HS2ST1: variants seen among roughly 807,000 people sequenced by gnomAD.
HS2ST1 encodes 2-O-sulfotransferase.
A neutral mutation model predicts 42.9 loss-of-function variants in HS2ST1; 18 were observed. That is an observed-to-expected ratio of 0.42 (90% confidence interval 0.29 to 0.62). The LOEUF (loss-of-function observed/expected upper bound fraction) is 0.62. HS2ST1 is among the 20% of genes least tolerant of loss of function. The pLI is 0.21. For missense variants in HS2ST1, 334 were observed against 433.8 expected, an observed-to-expected ratio of 0.77 and a Z score of 2.04; for synonymous variants, 146 against 152.9, an observed-to-expected ratio of 0.95 and a Z score of 0.33.
intron 1 of HS2ST1, among the ~76,000 whole-genome samples, chr1:87,039,317 T>G (rs1178816709): frequency 1.3e-5 from 2 of 152,230 alleles, no homozygotes; most frequent in African/African-American, 4.8e-5. Flanking sequence ...AGTTGTTCAC[T>G]AAGAACCGGT....
At chr1:86,994,857 G>A (rs1273408610) in intron 1 of HS2ST1, among the ~76,000 whole-genome samples, 2 of 152,020 alleles carry the variant, frequency 1.3e-5, no homozygotes, top group Non-Finnish European at 2.9e-5. Flanking sequence ...AAATAATGAA[G>A]TTTTCTGGAA....
intron 3 of HS2ST1, among the ~76,000 whole-genome samples, chr1:87,089,148 A>C (rs1456256663): frequency 1.3e-5 from 2 of 151,980 alleles, no homozygotes; most frequent in Non-Finnish European, 2.9e-5. Context: ...TCTTTTAACC[A>C]TTATTGTTGT....
rs545545079 is a variant in HS2ST1 at position 86,929,608 on chromosome 1, G to T, written c.124+14448G>T. 7.9e-5 allele frequency among the ~76,000 whole-genome samples: 12 copies of T among 151,844 alleles called. No individual in the cohort carries two copies. In the East Asian group the frequency reaches 2.3e-3, roughly 29 times the overall value. ...ATAAAATGCAAATTAAATTTAAATT[G>T]TGATGGAGTTTTTGCATGTGTATAT... On this transcript the variant is annotated intron_variant, in intron 1 of 6. Transcript: ENST00000370550.
intron 3 of HS2ST1, among the ~76,000 whole-genome samples, chr1:87,086,335 A>G (rs1251468417): frequency 6.6e-6 from 1 of 152,084 alleles, no homozygotes; most frequent in African/African-American, 2.4e-5. Flanking sequence ...CAAGTACTGT[A>G]TCTGTGTGTG....
chr1:86,991,462 G>A (rs1352919204), intron 1 of HS2ST1, among the ~76,000 whole-genome samples: 1 of 152,162 alleles, frequency 6.6e-6, no homozygotes, highest in African/African-American at 2.4e-5. Flanking sequence ...GATTGAATAG[G>A]TAGCCTCCTG....
intron 6 of HS2ST1, 98 bp downstream of exon 6, chr1:87,103,687 C>A: frequency 1.0e-6 from 1 of 973,464 alleles, no homozygotes; most frequent in Non-Finnish European, 1.5e-6. Context: ...CAGTGAAACA[C>A]AACAGATAGC....
chr1:87,084,298 A>G lies in HS2ST1; in HGVS notation c.449+19A>G. 4 of 1,392,764 alleles carry G rather than the reference A, an allele frequency of 2.9e-6. No individual in the cohort carries two copies. The highest frequency in any genetic ancestry group is 4.1e-6 in the Non-Finnish European group (4 of 986,906). The allele number at this position is 1,392,764 out of a possible 1,614,324, so 86.3% of individuals were successfully genotyped here. A position where few individuals can be genotyped will look rare whatever the true frequency, so the allele number is the denominator to read the frequency against. On this transcript the variant is annotated intron_variant, in intron 3 of 6. Coordinates refer to ENST00000370550, the MANE Select transcript of HS2ST1 (RefSeq NM_012262.4). ...TTGCAAAGTAAGTTACACTGAAATG[A>G]CACGCTAAAGAATGCTTTGTACTCT...
intron 1 of HS2ST1, among the ~76,000 whole-genome samples, chr1:86,992,225 G>GA (rs1288935994): frequency 1.4e-5 from 2 of 141,870 alleles, no homozygotes; most frequent in Non-Finnish European, 3.0e-5. Flanking sequence ...CCTGTTCTGT[G>GA]AAAAAATTGT....
chr1:87,003,040 G>T (rs527493075), intron 1 of HS2ST1, among the ~76,000 whole-genome samples: 1 of 152,244 alleles, frequency 6.6e-6, no homozygotes, highest in East Asian at 1.9e-4. Flanking sequence ...CAAGGGGTGC[G>T]TGTGGCCCAC....
rs189515424 is a variant in HS2ST1 at position 86,957,953 on chromosome 1, C to T, written c.124+42793C>T. Reference sequence around the variant, plus strand: ...GATTACAGGCATGCATCACCACATCCAGCTGATTTTTGTATTTTTAGTAAA... The same window carrying T: ...GATTACAGGCATGCATCACCACATCTAGCTGATTTTTGTATTTTTAGTAAA... On this transcript the variant is annotated intron_variant, in intron 1 of 6. Coordinates refer to ENST00000370550, the MANE Select transcript of HS2ST1 (RefSeq NM_012262.4). Among the ~76,000 whole-genome samples the T allele has an allele frequency of 8.5e-5, 13 of 152,140 alleles. No homozygotes were observed. The East Asian group carries it at 2.5e-3, about 29-fold the overall frequency.
At chr1:87,079,829 C>A (rs1377155746) in intron 2 of HS2ST1, among the ~76,000 whole-genome samples, 1 of 150,932 alleles carries the variant, frequency 6.6e-6, no homozygotes, top group Non-Finnish European at 1.5e-5. Flanking sequence ...TCACTTGAGC[C>A]CAGGAGTTTA....
chr1:86,914,649 G>T lies in HS2ST1; in HGVS notation c.-388G>T, dbSNP rs12727574. 8.3e-5 allele frequency: 18 copies of T among 215,672 alleles called. No homozygotes were observed. The highest frequency in any genetic ancestry group is 1.5e-4 in the Non-Finnish European group (16 of 107,118). The allele number at this position is 215,672 out of a possible 1,614,324, so 13.4% of individuals were successfully genotyped here. On this transcript the variant is annotated 5_prime_UTR_variant, in exon 1 of 7. Coordinates refer to ENST00000370550, the MANE Select transcript of HS2ST1 (RefSeq NM_012262.4). ...ATGAGGGCGGCGCAGCCGCAGCGCC[G>T]GTGGAGGGGCGCGCGGCCGCGAGCA...
At chr1:87,041,130 G>T (rs1481361150) in intron 1 of HS2ST1, among the ~76,000 whole-genome samples, 1 of 150,052 alleles carries the variant, frequency 6.7e-6, no homozygotes, top group Admixed American at 6.7e-5. Flanking sequence ...TTAAAGGGGA[G>T]AAGGAGAAAA....
At chr1:87,096,872 A>G (rs1652081278) in intron 4 of HS2ST1, among the ~76,000 whole-genome samples, 1 of 152,238 alleles carries the variant, frequency 6.6e-6, no homozygotes, top group African/African-American at 2.4e-5. Context: ...AGTTTGGGAT[A>G]TGGTAGGTGC....
intron 1 of HS2ST1, among the ~76,000 whole-genome samples, chr1:87,020,873 A>G (rs1649925281): frequency 6.6e-6 from 1 of 152,192 alleles, no homozygotes; most frequent in Non-Finnish European, 1.5e-5. Context: ...TCAGGGAAAC[A>G]ATTCAGGACA....
intron 2 of HS2ST1, among the ~76,000 whole-genome samples, chr1:87,080,076 G>A (rs1315923651): frequency 6.6e-6 from 1 of 152,012 alleles, no homozygotes; most frequent in Non-Finnish European, 1.5e-5. Context: ...ATAGATTCTA[G>A]AGAATTTTAA....
chr1:86,951,876 T>G (rs916624492), intron 1 of HS2ST1, among the ~76,000 whole-genome samples: 3 of 152,230 alleles, frequency 2.0e-5, no homozygotes, highest in Non-Finnish European at 4.4e-5. Flanking sequence ...GGCATAGATT[T>G]CATCTCAAAC....
At chr1:87,068,771 C>T (rs72955564) in intron 1 of HS2ST1, among the ~76,000 whole-genome samples, 3,582 of 152,166 alleles carry the variant, frequency 0.024, 70 homozygotes, top group African/African-American at 0.049. Context: ...ACGCTATATA[C>T]TATATTCTTA....
At chr1:87,058,602 A>G (rs982752949) in intron 1 of HS2ST1, among the ~76,000 whole-genome samples, 4 of 151,592 alleles carry the variant, frequency 2.6e-5, no homozygotes, top group Non-Finnish European at 4.4e-5. Flanking sequence ...CTGTGACTTG[A>G]AACATTAATT....
Sources: allele counts gnomAD v4.1 joint callset (sites outside exome capture counted in the v4.1 genomes callset), GRCh38; gene constraint gnomAD v4.1.1; transcripts MANE v1.5; gene names NCBI Gene and HGNC (gene_info 2026-07-23, HGNC 2026-07-21).